The following MTMR7 variants were observed in gnomAD, a reference collection of about 807,000 sequenced individuals.
MTMR7 encodes myotubularin related protein 7.
MTMR7 carries 76 observed loss-of-function variants against 81.2 expected under a neutral mutation model. The observed-to-expected ratio is 0.94, with a 90% CI of 0.78 to 1.13. The LOEUF is 1.13. Ranked by LOEUF, MTMR7 falls within the 50% of genes most tolerant of loss-of-function variation. MTMR7 has a pLI of 0.00. For missense variants in MTMR7, 1,044 were observed against 820.0 expected (o/e 1.27, Z -3.34); for synonymous variants, 372 against 289.8 (o/e 1.28, Z -2.88).
At chr8:17,403,849 G>C (rs1374295794) in intron 1 of MTMR7, among the ~76,000 whole-genome samples, 7 of 152,082 alleles carry the variant, frequency 4.6e-5, no homozygotes, top group South Asian at 2.1e-4. Flanking sequence ...AATAGGATTG[G>C]TCTCTTGATT....
intron 1 of MTMR7, among the ~76,000 whole-genome samples, chr8:17,397,816 G>C (rs986603815): frequency 2.6e-5 from 4 of 152,190 alleles, no homozygotes; most frequent in Non-Finnish European, 5.9e-5. Flanking sequence ...AGTCCCAGTG[G>C]TGGTGGCCAC....
At chr8:17,408,824 TTAAC>T (rs1821665787) in intron 1 of MTMR7, among the ~76,000 whole-genome samples, 1 of 152,076 alleles carries the variant, frequency 6.6e-6, no homozygotes, top group Admixed American at 6.5e-5. Flanking sequence ...ATCATCAAGT[TTAAC>T]TACTAATGGG....
intron 1 of MTMR7, among the ~76,000 whole-genome samples, chr8:17,408,695 C>G (rs1483349174): frequency 6.6e-6 from 1 of 152,098 alleles, no homozygotes; most frequent in Non-Finnish European, 1.5e-5. Context: ...AGATGTGTAT[C>G]AGCATCCAAA....
chr8:17,357,444 T>C (rs1253743708), intron 4 of MTMR7, among the ~76,000 whole-genome samples: 3 of 152,164 alleles, frequency 2.0e-5, no homozygotes, highest in Non-Finnish European at 4.4e-5. Flanking sequence ...GTACAGACAG[T>C]ATAAAAACAT....
chr8:17,337,680 A>G (rs1306441165), intron 6 of MTMR7, among the ~76,000 whole-genome samples: 2 of 149,194 alleles, frequency 1.3e-5, no homozygotes, highest in Non-Finnish European at 2.9e-5. Flanking sequence ...CAGTGGCACA[A>G]TCACAGGTCA....
In MTMR7 at chr8:17,409,138, C is replaced by T. The variant is rs553414955; in HGVS notation, c.24+4131G>A. 2.0e-5 allele frequency among the ~76,000 whole-genome samples: 3 copies of T among 152,132 alleles called. No homozygotes were observed. The East Asian group carries it at 5.8e-4, about 29-fold the overall frequency. ...TACAACTGTACAATGCACAAGAGGCCTGGATTAATAAAGCAAATTCTTAAA... is the reference window on the plus strand; with the variant it reads ...TACAACTGTACAATGCACAAGAGGCTTGGATTAATAAAGCAAATTCTTAAA... On this transcript the variant is annotated intron_variant, in intron 1 of 13. Transcript: ENST00000180173.
chr8:17,333,429 ATAAAAT>A (rs1819115887), intron 6 of MTMR7, among the ~76,000 whole-genome samples: 1 of 151,264 alleles, frequency 6.6e-6, no homozygotes. Context: ...AGCATCATAA[ATAAAAT>A]TAATAGGAGA....
At chr8:17,343,140 T>G (rs1305220690) in intron 5 of MTMR7, among the ~76,000 whole-genome samples, 2 of 152,108 alleles carry the variant, frequency 1.3e-5, no homozygotes, top group Non-Finnish European at 2.9e-5. Flanking sequence ...AAAGAAATAT[T>G]AGTTAGCCCA....
intron 10 of MTMR7, among the ~76,000 whole-genome samples, chr8:17,306,737 T>TC (rs1347635395): frequency 3.9e-5 from 6 of 152,164 alleles, no homozygotes; most frequent in Non-Finnish European, 8.8e-5. Context: ...TTTAGAGTTT[T>TC]CCCAAGAGTG....
rs1460068255 is a variant in MTMR7, at chr8:17,346,884, T to TTA, written c.597+2068_597+2069insTA. On this transcript the variant is annotated intron_variant, in intron 5 of 13. Coordinates refer to ENST00000180173, the MANE Select transcript of MTMR7 (RefSeq NM_004686.5). ...CCTATCTCTATTTATCCTATCTTAA[T>TTA]AAAAAAAAAAAAAAAAAAAAAAAAA... 8.1e-4 allele frequency among the ~76,000 whole-genome samples: 53 copies of TTA among 65,048 alleles called. 4 individuals carry two copies. The South Asian group carries it at 0.027, about 34-fold the overall frequency. 42.7% of individuals were successfully genotyped at this position (65,048 alleles called of 152,430 possible).
intron 1 of MTMR7, among the ~76,000 whole-genome samples, chr8:17,384,436 T>C (rs1319540533): frequency 6.6e-6 from 1 of 152,130 alleles, no homozygotes; most frequent in Non-Finnish European, 1.5e-5. Flanking sequence ...TAAATAATTA[T>C]TAACAAACAT....
intron 12 of MTMR7, among the ~76,000 whole-genome samples, chr8:17,303,610 CTT>C (rs10589081): frequency 0.67 from 94,846 of 141,002 alleles, 32,310 homozygotes; most frequent in African/African-American, 0.84. Flanking sequence ...TACATACAAT[CTT>C]TTTTTTTTTT....
intron 7 of MTMR7, among the ~76,000 whole-genome samples, chr8:17,324,815 A>C (rs1332821003): frequency 6.6e-6 from 1 of 152,170 alleles, no homozygotes; most frequent in Non-Finnish European, 1.5e-5. Context: ...CTAGATTTTC[A>C]GGTTATTATT....
At chr8:17,407,881 A>C (rs1821633001) in intron 1 of MTMR7, among the ~76,000 whole-genome samples, 1 of 152,232 alleles carries the variant, frequency 6.6e-6, no homozygotes, top group African/African-American at 2.4e-5. Context: ...GTATACTGAC[A>C]GTGAATGATC....
At position 17,313,358 on chromosome 8, in the gene MTMR7, A is replaced by C; in HGVS notation, c.909T>G (p.Gly303=). Residue 303 remains glycine (G), a synonymous_variant, in exon 8 of 14, where the codon GGT becomes GGG. Transcript: ENST00000180173. ...KSPSMSDFLW[G]LENSGWLRHI... is the part of the protein sequence containing the mutation. ...GCCTTAACCAGCCAGAGTTCTCCAG[A>C]CCCCACAGGAAATCACTCATGGAGG... 6.2e-7 allele frequency: 1 copy of C among 1,612,868 alleles called. No homozygotes were observed. Among genetic ancestry groups the C allele is most frequent in the Non-Finnish European group, 8.5e-7 (1 of 1,179,128 alleles).
chr8:17,355,721 T>C (rs538246988), intron 4 of MTMR7, among the ~76,000 whole-genome samples: 1 of 140,282 alleles, frequency 7.1e-6, no homozygotes, highest in East Asian at 2.5e-4. Flanking sequence ...ATTGGCTACA[T>C]TATATAAAGA....
chr8:17,337,909 G>T (rs1819298135), intron 6 of MTMR7, among the ~76,000 whole-genome samples: 1 of 152,042 alleles, frequency 6.6e-6, no homozygotes, highest in East Asian at 1.9e-4. Flanking sequence ...TCTCATGTGG[G>T]GCTAGCCTTG....
chr8:17,392,827 A>G (rs548365636), intron 1 of MTMR7, among the ~76,000 whole-genome samples: 1 of 152,238 alleles, frequency 6.6e-6, no homozygotes, highest in East Asian at 1.9e-4. Context: ...TTGGATTTAG[A>G]AAATTCTTTT....
chr8:17,335,491 CAA>C (rs1164613938), intron 6 of MTMR7, among the ~76,000 whole-genome samples: 1 of 152,194 alleles, frequency 6.6e-6, no homozygotes, highest in African/African-American at 2.4e-5. Context: ...CCTTAGTCCT[CAA>C]GTCTACCATT....
Sources: gnomAD v4.1 joint callset for allele counts (sites outside exome capture counted in the v4.1 genomes callset) on GRCh38, gnomAD v4.1.1 for gene constraint, MANE v1.5 for transcripts, NCBI Gene and HGNC (gene_info 2026-07-23, HGNC 2026-07-21) for gene names.